The following PRKCQ variants were observed in gnomAD, a reference collection of about 807,000 sequenced individuals.
PRKCQ encodes protein kinase C theta, also known as protein kinase C theta type.
In PRKCQ, 41 loss-of-function variants were observed where a neutral mutation model predicts 91.2. That is an observed-to-expected ratio of 0.45 (90% CI 0.35 to 0.58). The LOEUF (loss-of-function observed/expected upper bound fraction) is 0.58, where lower values mean the gene tolerates loss of function less well. Ranked by LOEUF, PRKCQ falls within the 20% of genes least tolerant of loss-of-function variation. The pLI is 0.00. For synonymous variants in PRKCQ, 307 were observed against 316.9 expected, an observed-to-expected ratio of 0.97 and a Z score of 0.33; for missense variants, 673 against 896.5, an observed-to-expected ratio of 0.75 and a Z score of 3.18.
chr10:6,534,778 A>C (rs10906788), intron 1 of PRKCQ, among the ~76,000 whole-genome samples: 15,034 of 70,414 alleles, frequency 0.21, 837 homozygotes, highest in Non-Finnish European at 0.3. Flanking sequence ...ATATATCTAT[A>C]TATATATATA....
chr10:6,402,430 T>C, the PRKCQ span, among the ~76,000 whole-genome samples: 2 of 134,266 alleles, frequency 1.5e-5, no homozygotes, highest in East Asian at 4.7e-4. Context: ...CTTTCCTCCC[T>C]CACGCCTACC....
rs111432248 is a variant in PRKCQ at position 6,573,597 on chromosome 10, TG to T, written c.-10+6613del. 8.6e-3 allele frequency among the ~76,000 whole-genome samples: 1,315 copies of T among 152,326 alleles called. 21 individuals are homozygous for T. Among genetic ancestry groups the T allele is most frequent in the African/African-American group, 0.03 (1,245 of 41,562 alleles). On this transcript the variant is annotated intron_variant, in intron 1 of 17. Transcript: ENST00000263125. The stretch of plus-strand genomic sequence containing the variant: ...CATGTTAGAATATATTGCCATAGTT[TG>T]TTTACTTTTTGATTTTTCCAATAGA...
At chr10:6,419,978 C>T in the PRKCQ span, among the ~76,000 whole-genome samples, 35 of 151,876 alleles carry the variant, frequency 2.3e-4, no homozygotes, top group African/African-American at 8.5e-4. Flanking sequence ...TGTGAGGCAA[C>T]GTGCCCAGCC....
chr10:6,562,325 G>C (rs780503759), intron 1 of PRKCQ, among the ~76,000 whole-genome samples: 1 of 152,222 alleles, frequency 6.6e-6, no homozygotes, highest in Non-Finnish European at 1.5e-5. Context: ...AGTTCCATGC[G>C]GTTTTTCAGC....
chr10:6,578,670 G>A (rs528010614), intron 1 of PRKCQ, among the ~76,000 whole-genome samples: 4 of 152,232 alleles, frequency 2.6e-5, no homozygotes, highest in Non-Finnish European at 4.4e-5. Flanking sequence ...AGCCTTCTGC[G>A]GTAAGCACCT....
At chr10:6,551,654 C>A (rs1256546989) in intron 1 of PRKCQ, among the ~76,000 whole-genome samples, 1 of 152,174 alleles carries the variant, frequency 6.6e-6, no homozygotes, top group Non-Finnish European at 1.5e-5. Flanking sequence ...CCTCGGCCTC[C>A]CAAAGTGCTG....
At position 6,430,043 on chromosome 10, in the gene PRKCQ, C is replaced by T. The variant is rs1469801783; in HGVS notation, c.1965+767G>A. 2.0e-5 allele frequency among the ~76,000 whole-genome samples: 3 copies of T among 152,184 alleles called. No individual in the cohort carries two copies. The highest frequency in any genetic ancestry group is 2.9e-5 in the Non-Finnish European group (2 of 68,024). On this transcript the variant is annotated intron_variant, in intron 17 of 17. Coordinates refer to ENST00000263125, the MANE Select transcript of PRKCQ (RefSeq NM_006257.5). The surrounding 1 kb of genome is among the most constrained non-coding windows in gnomAD (Gnocchi z 4.7). ...CTAATTTTTGTATTTTTAGTAGAGA[C>T]AAGGTTTCACCATGTTGGCCAGGCT...
At chr10:6,548,161 T>C (rs1190898407) in intron 1 of PRKCQ, among the ~76,000 whole-genome samples, 3 of 150,790 alleles carry the variant, frequency 2.0e-5, no homozygotes, top group South Asian at 2.1e-4. Context: ...ATCAGAGAAA[T>C]GCAAATCAAA....
At chr10:6,425,367 G>A (rs1324283081), downstream of PRKCQ, among the ~76,000 whole-genome samples, 1 of 151,968 alleles carries the variant, frequency 6.6e-6, no homozygotes, top group African/African-American at 2.4e-5. Flanking sequence ...TGGGATTACA[G>A]ACGCGTGCCA....
chr10:6,435,450 A>T (rs1313125395), intron 16 of PRKCQ, among the ~76,000 whole-genome samples: 1 of 152,260 alleles, frequency 6.6e-6, no homozygotes, highest in Non-Finnish European at 1.5e-5. Flanking sequence ...AGGAATAGAG[A>T]TAAAGCTGCA....
chr10:6,445,496 C>T (rs1280625736), intron 15 of PRKCQ, among the ~76,000 whole-genome samples: 5 of 152,170 alleles, frequency 3.3e-5, no homozygotes, highest in Non-Finnish European at 7.3e-5. Flanking sequence ...CATATCTGGC[C>T]CGCTTCTTAT....
At chr10:6,556,854 C>T (rs559317245) in intron 1 of PRKCQ, among the ~76,000 whole-genome samples, 57 of 152,248 alleles carry the variant, frequency 3.7e-4, no homozygotes, top group Non-Finnish European at 2.8e-4. Flanking sequence ...GCCTTCTCCA[C>T]CTCGGCAGAT....
At chr10:6,579,207 T>C (rs1442325720) in intron 1 of PRKCQ, among the ~76,000 whole-genome samples, 1 of 152,222 alleles carries the variant, frequency 6.6e-6, no homozygotes, top group East Asian at 1.9e-4. Flanking sequence ...AAAGGGCAAC[T>C]GGAACGTCAA....
intron 1 of PRKCQ, among the ~76,000 whole-genome samples, chr10:6,529,918 T>G (rs1839330364): frequency 1.3e-5 from 2 of 152,196 alleles, no homozygotes; most frequent in Non-Finnish European, 2.9e-5. Flanking sequence ...TAAAACATCC[T>G]TAGAAATTCT....
chr10:6,498,577 G>A lies in PRKCQ; in HGVS notation c.380-19C>T, dbSNP rs764837736. ...TTTGTGTCTACAGGAAGAGAGAGGG[G>A]AAGAAAGTGAAGTTCTGCAAAAGGA... On this transcript the variant is annotated intron_variant, in intron 4 of 17. Coordinates refer to ENST00000263125, the MANE Select transcript of PRKCQ (RefSeq NM_006257.5). 9.3e-6 allele frequency: 15 copies of A among 1,610,612 alleles called. No homozygotes were observed. The highest frequency in any genetic ancestry group is 3.3e-4 in the Middle Eastern group (2 of 6,052).
In PRKCQ at chr10:6,430,796, G is replaced by T. The variant is rs750038611; in HGVS notation, c.1965+14C>A. 1.9e-6 allele frequency: 3 copies of T among 1,612,772 alleles called. No individual in the cohort carries two copies. The highest frequency in any genetic ancestry group is 2.2e-5 in the East Asian group (1 of 44,850). On this transcript the variant is annotated intron_variant, in intron 17 of 17. Coordinates refer to ENST00000263125, the MANE Select transcript of PRKCQ (RefSeq NM_006257.5). The surrounding 1 kb of genome is among the most constrained non-coding windows in gnomAD (Gnocchi z 4.7). ...GAGTGGCTGACACCAAGCGGCCCAT[G>T]AGCGAGTCCTTACCACTTTCGGCCG...
In PRKCQ at chr10:6,483,502, T is replaced by C; in HGVS notation, c.1117A>G (p.Ile373Val). ...ATAAAATCCTCAATTTTTAGTTTAA[T>C]CTGCAGAGATGGTCTTTCTTTGTTC... ...ELNKERPSLQ[I>V]KLKIEDFILH... Residue 373 changes from isoleucine (I) to valine (V), a missense_variant, in exon 11 of 18, where the codon ATT becomes GTT. By Grantham distance (29) the Ile-to-Val change is conservative. Transcript: ENST00000263125. 2 of 1,614,232 alleles carry C rather than the reference T, an allele frequency of 1.2e-6. No homozygotes were observed. The highest frequency in any genetic ancestry group is 4.5e-5 in the East Asian group (2 of 44,892).
chr10:6,447,212 T>G (rs536191543), intron 15 of PRKCQ, among the ~76,000 whole-genome samples: 295 of 152,062 alleles, frequency 1.9e-3, no homozygotes, highest in Middle Eastern at 3.4e-3. Context: ...ATCGAGACCA[T>G]CCTGGCCAAC....
chr10:6,436,474 T>C (rs749096368), intron 16 of PRKCQ, among the ~76,000 whole-genome samples: 8 of 152,156 alleles, frequency 5.3e-5, no homozygotes, highest in Non-Finnish European at 1.0e-4. Flanking sequence ...TTTTATCACA[T>C]GTGCAGATAT....
Sources: gnomAD v4.1 joint callset for allele counts (sites outside exome capture counted in the v4.1 genomes callset) on GRCh38, gnomAD v4.1.1 for gene constraint, Gnocchi (gnomAD v3.1) non-coding constraint, MANE v1.5 for transcripts, NCBI Gene and HGNC (gene_info 2026-07-23, HGNC 2026-07-21) for gene names.